The following FAM13B variants were observed in gnomAD, a reference collection of about 807,000 sequenced individuals.
FAM13B encodes protein FAM13B.
In FAM13B, 60 loss-of-function variants were observed where a neutral mutation model predicts 117.3. That is an observed-to-expected ratio of 0.51 (90% CI 0.42 to 0.63). The LOEUF (loss-of-function observed/expected upper bound fraction) is 0.63, where lower values mean the gene tolerates loss of function less well. Ranked by LOEUF, FAM13B falls within the 30% of genes least tolerant of loss-of-function variation. The pLI is 0.00. For synonymous variants in FAM13B, 332 were observed against 356.1 expected (o/e 0.93, Z 0.76); for missense variants, 972 against 1,091.9 (o/e 0.89, Z 1.55).
chr5:138,011,745 C>CA, intron 5 of FAM13B, 23 bp downstream of exon 5: 2 of 1,578,862 alleles, frequency 1.3e-6, no homozygotes, highest in Non-Finnish European at 8.6e-7. Context: ...AAAAATTAAA[C>CA]AAAAATTTTT....
intron 13 of FAM13B, among the ~76,000 whole-genome samples, chr5:137,957,231 A>C (rs1478957565): frequency 2.0e-5 from 3 of 152,056 alleles, no homozygotes; most frequent in Non-Finnish European, 4.4e-5. Context: ...AATAAATAAG[A>C]CTTTTTCATT....
chr5:137,987,679 A>G (rs1777578176), intron 8 of FAM13B, 63 bp from the exon 9 acceptor site: 2 of 1,500,148 alleles, frequency 1.3e-6, no homozygotes, highest in Non-Finnish European at 1.8e-6. Context: ...TGACACAGAC[A>G]TAAATGCTAA....
At chr5:138,032,210 C>T (rs1473493900) in intron 1 of FAM13B, among the ~76,000 whole-genome samples, 1 of 152,176 alleles carries the variant, frequency 6.6e-6, no homozygotes, top group Non-Finnish European at 1.5e-5. Context: ...CAAAGTGTCC[C>T]CCTCCAGCCT....
intron 17 of FAM13B, among the ~76,000 whole-genome samples, chr5:137,949,969 A>C (rs1187129167): frequency 2.0e-5 from 3 of 152,170 alleles, no homozygotes; most frequent in African/African-American, 7.2e-5. Context: ...TCTCAAAAAA[A>C]CACAAAAACA....
chr5:138,032,954 T>C lies in FAM13B; in HGVS notation c.-375A>G. On this transcript the variant is annotated 5_prime_UTR_variant, in exon 1 of 24. Transcript: ENST00000689681. ...CGGCTGTGGCGCGGGGCCAGCCCGG[T>C]AAGCGACCCCCCGGATACCCCCGGC... 5.1e-6 allele frequency: 5 copies of C among 985,922 alleles called. No homozygotes were observed. Among genetic ancestry groups the C allele is most frequent in the Non-Finnish European group, 6.0e-6 (5 of 830,420 alleles). 61.1% of individuals were successfully genotyped at this position (985,922 alleles called of 1,614,324 possible).
chr5:138,016,362 T>C (rs1425161512), intron 4 of FAM13B, among the ~76,000 whole-genome samples: 3 of 152,160 alleles, frequency 2.0e-5, no homozygotes, highest in Non-Finnish European at 2.9e-5. Context: ...ATCCCAGTGC[T>C]TTGGGAAACT....
intron 20 of FAM13B, among the ~76,000 whole-genome samples, chr5:137,945,335 T>C (rs1020964303): frequency 1.3e-5 from 2 of 152,242 alleles, no homozygotes; most frequent in Admixed American, 6.5e-5. Flanking sequence ...GCACTTAATA[T>C]GCATTTAAAC....
At chr5:138,034,995 CTTTTTTTTTTTTTTTT>C (rs557807234), upstream of FAM13B, among the ~76,000 whole-genome samples, 18 of 34,376 alleles carry the variant, frequency 5.2e-4, no homozygotes, top group East Asian at 5.7e-3. Flanking sequence ...ATTCCCTTGC[CTTTTTTTTTTTTTTTT>C]TTTTTTTTTT....
chr5:137,996,910 A>G (rs1255637717), intron 7 of FAM13B, among the ~76,000 whole-genome samples: 1 of 152,128 alleles, frequency 6.6e-6, no homozygotes, highest in African/African-American at 2.4e-5. Context: ...TCATCTTTCT[A>G]AATTGAGTTT....
chr5:137,953,249 C>G, intron 16 of FAM13B, 87 bp downstream of exon 16: 2 of 1,428,718 alleles, frequency 1.4e-6, no homozygotes, highest in Non-Finnish European at 1.9e-6. Flanking sequence ...ACCTTTCTCA[C>G]ACAGATCTAA....
At chr5:137,995,104 A>T (rs1779545339) in intron 7 of FAM13B, among the ~76,000 whole-genome samples, 1 of 152,208 alleles carries the variant, frequency 6.6e-6, no homozygotes, top group South Asian at 2.1e-4. Flanking sequence ...AGCACAGTAA[A>T]GGAAGGTGAT....
At chr5:138,002,176 T>C (rs1781432510) in intron 7 of FAM13B, among the ~76,000 whole-genome samples, 3 of 152,222 alleles carry the variant, frequency 2.0e-5, no homozygotes, top group Admixed American at 1.3e-4. Context: ...AGTACTTTTA[T>C]AATTTTTAAG....
At chr5:138,042,411 G>A (rs1156377007) in intron 1 of FAM13B, among the ~76,000 whole-genome samples, 6 of 152,114 alleles carry the variant, frequency 3.9e-5, no homozygotes, top group Admixed American at 1.3e-4. Context: ...CTTAACCTAG[G>A]GGGAAGTTGC....
intron 7 of FAM13B, among the ~76,000 whole-genome samples, chr5:138,002,715 G>C (rs1378098484): frequency 2.1e-5 from 3 of 142,356 alleles, no homozygotes; most frequent in Non-Finnish European, 3.0e-5. Flanking sequence ...ACCCAGGCTG[G>C]AGTGCAGGGG....
chr5:137,998,068 C>A (rs540291333), intron 7 of FAM13B, among the ~76,000 whole-genome samples: 79 of 152,344 alleles, frequency 5.2e-4, no homozygotes, highest in Non-Finnish European at 9.7e-4. Flanking sequence ...CAAGTTATTT[C>A]TTTACTTCTG....
At chr5:137,966,488 T>TAGAGAGAGAGAGAGAGAG (rs57142324) in intron 10 of FAM13B, among the ~76,000 whole-genome samples, 12 of 29,478 alleles carry the variant, frequency 4.1e-4, no homozygotes, top group Admixed American at 1.6e-3. Flanking sequence ...TATATATATA[T>TAGAGAGAGAGAGAGAGAG]AGAGAGAGAG....
At chr5:138,034,995 C>CTTTTTTT (rs557807234), upstream of FAM13B, among the ~76,000 whole-genome samples, 99 of 34,376 alleles carry the variant, frequency 2.9e-3, 31 homozygotes, top group African/African-American at 5.2e-3. Flanking sequence ...ATTCCCTTGC[C>CTTTTTTT]TTTTTTTTTT....
intron 1 of FAM13B, among the ~76,000 whole-genome samples, chr5:138,021,652 T>TG (rs1188614625): frequency 6.6e-6 from 1 of 152,188 alleles, no homozygotes; most frequent in Non-Finnish European, 1.5e-5. Flanking sequence ...TACAACATAG[T>TG]GGTTGCCTGA....
chr5:138,020,078 G>A, intron 2 of FAM13B: 1 of 873,226 alleles, frequency 1.1e-6, no homozygotes, highest in African/African-American at 1.8e-5. Context: ...TTTATTTTTT[G>A]AGACAGAGTT....
Sources: allele counts gnomAD v4.1 joint callset (sites outside exome capture counted in the v4.1 genomes callset), GRCh38; gene constraint gnomAD v4.1.1; transcripts MANE v1.5; gene names NCBI Gene and HGNC (gene_info 2026-07-23, HGNC 2026-07-21).